The following PPP3CC variants were observed in gnomAD, a reference collection of about 807,000 sequenced individuals.
PPP3CC encodes protein phosphatase 3 catalytic subunit gamma.
In PPP3CC, 35 loss-of-function variants were observed where a neutral mutation model predicts 60.3. The observed-to-expected ratio is 0.58, with a 90% CI of 0.44 to 0.77. PPP3CC has a LOEUF of 0.77. Ranked by LOEUF, PPP3CC falls within the 30% of genes least tolerant of loss-of-function variation. The probability of loss-of-function intolerance (pLI) is 0.00; values close to 1 mark genes in which losing one functional copy is unlikely to be tolerated. For synonymous variants in PPP3CC, 206 were observed against 224.3 expected, an observed-to-expected ratio of 0.92 and a Z score of 0.73; for missense variants, 570 against 628.9, an observed-to-expected ratio of 0.91 and a Z score of 1.00.
intron 8 of PPP3CC, among the ~76,000 whole-genome samples, chr8:22,524,923 G>A (rs1839499078): frequency 6.6e-6 from 1 of 152,168 alleles, no homozygotes; most frequent in Non-Finnish European, 1.5e-5. Context: ...GCCAAGGGGA[G>A]GATCACTTGA....
At chr8:22,463,809 G>A (rs377637115) in intron 1 of PPP3CC, among the ~76,000 whole-genome samples, 2 of 148,508 alleles carry the variant, frequency 1.3e-5, no homozygotes, top group Non-Finnish European at 3.0e-5. Context: ...TTTTTGAGAC[G>A]AAGTTTCTCT....
intron 3 of PPP3CC, among the ~76,000 whole-genome samples, chr8:22,496,090 GT>G (rs897163844): frequency 3.3e-5 from 5 of 150,050 alleles, no homozygotes; most frequent in Non-Finnish European, 5.9e-5. Context: ...CTAACTTTAT[GT>G]TTTTTTTTTA....
chr8:22,466,133 C>T (rs1234036851), intron 1 of PPP3CC, among the ~76,000 whole-genome samples: 2 of 151,354 alleles, frequency 1.3e-5, no homozygotes, highest in South Asian at 2.1e-4. Flanking sequence ...TGATGGTTTC[C>T]AGCTTCATCC....
intron 6 of PPP3CC, among the ~76,000 whole-genome samples, chr8:22,516,309 C>A (rs930111531): frequency 5.9e-5 from 9 of 152,120 alleles, no homozygotes; most frequent in Non-Finnish European, 1.0e-4. Flanking sequence ...ACTTTTATTT[C>A]TTTTTACATT....
At position 22,441,144 on chromosome 8, in the gene PPP3CC, C is replaced by A. The variant is rs1049437; in HGVS notation, c.-266C>A. On this transcript the variant is annotated 5_prime_UTR_variant, in exon 1 of 14. Transcript: ENST00000240139. ...CGGTCGCCACCCTTAGCAGCGGTCG[C>A]GGTCGGTGCCGAAGCGGTGTTCCCC... 0.32 allele frequency: 110,072 copies of A among 344,258 alleles called. 18,884 individuals are homozygous for A. Among genetic ancestry groups the A allele is most frequent in the East Asian group, 0.52 (12,128 of 23,330 alleles). The allele number at this position is 344,258 out of a possible 1,614,324, so 21.3% of individuals were successfully genotyped here. A position where few individuals can be genotyped will look rare whatever the true frequency, so the allele number is the denominator to read the frequency against.
intron 8 of PPP3CC, among the ~76,000 whole-genome samples, chr8:22,527,127 T>C (rs545771957): frequency 6.6e-6 from 1 of 152,376 alleles, no homozygotes; most frequent in African/African-American, 2.4e-5. Context: ...AGATAGTTAC[T>C]GTGCAGTGAC....
intron 3 of PPP3CC, among the ~76,000 whole-genome samples, chr8:22,491,413 A>C (rs563920715): frequency 2.0e-5 from 3 of 152,262 alleles, no homozygotes; most frequent in African/African-American, 7.2e-5. Flanking sequence ...GTTTTAATTA[A>C]TGTTTCTCTA....
At chr8:22,490,922 A>T (rs539291523) in intron 3 of PPP3CC, among the ~76,000 whole-genome samples, 3 of 152,154 alleles carry the variant, frequency 2.0e-5, no homozygotes, top group African/African-American at 4.8e-5. Context: ...ATATGTGTGC[A>T]TGTGTCTTTA....
In PPP3CC at chr8:22,441,162, T is replaced by G; in HGVS notation, c.-248T>G. The G allele has an allele frequency of 1.6e-5, 6 of 370,904 alleles. No homozygotes were observed. Among genetic ancestry groups the G allele is most frequent in the Non-Finnish European group, 1.9e-5 (4 of 207,346 alleles). The allele number at this position is 370,904 out of a possible 1,614,324, so 23.0% of individuals were successfully genotyped here. On this transcript the variant is annotated 5_prime_UTR_variant, in exon 1 of 14. Transcript: ENST00000240139. ...GCGGTCGCGGTCGGTGCCGAAGCGG[T>G]GTTCCCCGCCTTAGCCGCTGGCGCC...
intron 6 of PPP3CC, among the ~76,000 whole-genome samples, chr8:22,514,826 C>T (rs1038812359): frequency 4.0e-5 from 6 of 151,668 alleles, no homozygotes; most frequent in Admixed American, 6.6e-5. Flanking sequence ...ATTACAGGCA[C>T]CTACCACCAT....
rs764048135 is a variant in PPP3CC at position 22,527,524 on chromosome 8, G to C, written c.1069+7G>C. On this transcript the variant is annotated splice_region_variant and intron_variant, in intron 9 of 13. Coordinates refer to ENST00000240139, the MANE Select transcript of PPP3CC (RefSeq NM_005605.5). Reference sequence around the variant, plus strand: ...CCTTTTGTTGGGGAAAAAGGTAAGAGAACTAAAGCACATGTCTCATCAGTT... The same window carrying C: ...CCTTTTGTTGGGGAAAAAGGTAAGACAACTAAAGCACATGTCTCATCAGTT... 6 of 1,613,202 alleles carry C rather than the reference G, an allele frequency of 3.7e-6. No homozygotes were observed. The highest frequency in any genetic ancestry group is 1.7e-6 in the Non-Finnish European group (2 of 1,179,804).
At chr8:22,517,083 C>G (rs1586855259) in intron 6 of PPP3CC, among the ~76,000 whole-genome samples, 1 of 152,268 alleles carries the variant, frequency 6.6e-6, no homozygotes, top group Non-Finnish European at 1.5e-5. Flanking sequence ...TTTGCTAATT[C>G]TGTTTTTGCA....
rs1004352121 is a variant in PPP3CC, at chr8:22,441,501, G to A, written c.49+43G>A. ...CCTTCCTCTGGGACCCGCGGGAAAC[G>A]GCCTTCGGCTGGGCGGCGGCTCGGG... is the stretch of plus-strand genomic sequence containing the variant. On this transcript the variant is annotated intron_variant, in intron 1 of 13. Coordinates refer to ENST00000240139, the MANE Select transcript of PPP3CC (RefSeq NM_005605.5). 4.6e-6 allele frequency: 7 copies of A among 1,506,380 alleles called. No homozygotes were observed. In the Admixed American group the frequency reaches 1.5e-4, roughly 32 times the overall value. The allele number at this position is 1,506,380 out of a possible 1,614,324, so 93.3% of individuals were successfully genotyped here.
chr8:22,460,997 C>A (rs190574284), intron 1 of PPP3CC, among the ~76,000 whole-genome samples: 1 of 152,128 alleles, frequency 6.6e-6, no homozygotes, highest in African/African-American at 2.4e-5. Flanking sequence ...AGGTGTCTAC[C>A]ACCATGCCCG....
Position 22,528,539 on chromosome 8 carries a change from G to C in PPP3CC, c.1103G>C (p.Cys368Ser), listed in dbSNP as rs755314392. 1.9e-6 allele frequency: 3 copies of C among 1,566,098 alleles called. No individual in the cohort carries two copies. Among genetic ancestry groups the C allele is most frequent in the Non-Finnish European group, 2.6e-6 (3 of 1,152,172 alleles). Residue 368 changes from cysteine to serine, a missense_variant, in exon 10 of 14, where the codon TGC (cysteine) becomes TCC (serine). Cys to Ser is a moderately radical substitution (Grantham distance 112, BLOSUM62 -1). Transcript: ENST00000240139. ...ATGCTGGTAAATGTGCTCAACATAT[G>C]CTCTGATGACGAACTGATTTCTGAT... is the stretch of plus-strand genomic sequence containing the variant. ...TEMLVNVLNI[C>S]SDDELISDDE...
chr8:22,490,961 A>G (rs1053707832), intron 3 of PPP3CC, among the ~76,000 whole-genome samples: 9 of 152,290 alleles, frequency 5.9e-5, no homozygotes, highest in Non-Finnish European at 1.2e-4. Context: ...TCCTTTGGGT[A>G]TATATCCAGT....
chr8:22,523,414 A>G (rs144616204), intron 8 of PPP3CC, among the ~76,000 whole-genome samples: 1 of 152,316 alleles, frequency 6.6e-6, no homozygotes, highest in Non-Finnish European at 1.5e-5. Flanking sequence ...TAAGTTTTCT[A>G]TCGAGGCAGT....
At position 22,489,708 on chromosome 8, in the gene PPP3CC, T is replaced by TATAAGTATATATTATATATTATATATATA. The variant is rs1554535128; in HGVS notation, c.373-8273_373-8245dup. 1.3e-3 allele frequency among the ~76,000 whole-genome samples: 176 copies of TATAAGTATATATTATATATTATATATATA among 137,044 alleles called. 2 individuals carry two copies. Among genetic ancestry groups the TATAAGTATATATTATATATTATATATATA allele is most frequent in the Middle Eastern group, 7.2e-3 (2 of 278 alleles). 89.9% of individuals were successfully genotyped at this position (137,044 alleles called of 152,430 possible). On this transcript the variant is annotated intron_variant, in intron 3 of 13. Coordinates refer to ENST00000240139, the MANE Select transcript of PPP3CC (RefSeq NM_005605.5). ...ATATAAGTATATATTATATATTATA[T>TATAAGTATATATTATATATTATATATATA]ATAAGTATATATTATATATTATATA...
chr8:22,450,471 TCTC>T (rs1359397467), intron 1 of PPP3CC, among the ~76,000 whole-genome samples: 1 of 152,214 alleles, frequency 6.6e-6, no homozygotes, highest in Admixed American at 6.5e-5. Flanking sequence ...GACTCTTTCT[TCTC>T]CATTTTACTG....
Sources: allele counts gnomAD v4.1 joint callset (sites outside exome capture counted in the v4.1 genomes callset), GRCh38; gene constraint gnomAD v4.1.1; transcripts MANE v1.5; gene names NCBI Gene and HGNC (gene_info 2026-07-23, HGNC 2026-07-21).